The following UBE2E2 variants were observed in gnomAD, a reference collection of about 807,000 sequenced individuals.
UBE2E2 encodes the protein ubiquitin conjugating enzyme E2 E2.
A neutral mutation model predicts 24.7 loss-of-function variants in UBE2E2; 6 were observed. That is an observed-to-expected ratio of 0.24 (90% CI 0.13 to 0.48). UBE2E2 has a LOEUF of 0.48. Among genes scored for constraint, UBE2E2 ranks in the 20% least tolerant of loss-of-function variants. The pLI is 0.99. For missense variants in UBE2E2, 169 were observed against 245.0 expected (o/e 0.69, Z 2.07); for synonymous variants, 104 against 83.6 (o/e 1.24, Z -1.33).
intron 3 of UBE2E2, among the ~76,000 whole-genome samples, chr3:23,425,313 A>G (rs1457578068): frequency 6.6e-6 from 1 of 152,172 alleles, no homozygotes; most frequent in Non-Finnish European, 1.5e-5. Context: ...AGTTGGACAA[A>G]TCATTTAACT....
intron 5 of UBE2E2, among the ~76,000 whole-genome samples, chr3:23,544,429 G>A (rs1695469034): frequency 6.6e-6 from 1 of 152,152 alleles, no homozygotes; most frequent in South Asian, 2.1e-4. Context: ...TATACAAACG[G>A]CCAAGAAACA....
At chr3:23,297,474 A>C (rs1220370456) in intron 3 of UBE2E2, among the ~76,000 whole-genome samples, 2 of 152,054 alleles carry the variant, frequency 1.3e-5, no homozygotes, top group Non-Finnish European at 2.9e-5. Context: ...TCCATCTTGA[A>C]TTAATTTTTG....
intron 3 of UBE2E2, among the ~76,000 whole-genome samples, chr3:23,321,138 A>G (rs1694727101): frequency 6.6e-6 from 1 of 152,226 alleles, no homozygotes; most frequent in Non-Finnish European, 1.5e-5. Context: ...GTGTCTTTAC[A>G]TGGTGTTCGC....
At chr3:23,404,191 C>T (rs530904662) in intron 3 of UBE2E2, among the ~76,000 whole-genome samples, 2 of 152,252 alleles carry the variant, frequency 1.3e-5, no homozygotes, top group Admixed American at 6.5e-5. Flanking sequence ...TATTTATCAA[C>T]TCAGTTGCAA....
chr3:23,565,800 G>T (rs574675633), intron 5 of UBE2E2, among the ~76,000 whole-genome samples: 1 of 152,266 alleles, frequency 6.6e-6, no homozygotes, highest in East Asian at 1.9e-4. Context: ...AAAGGACTTA[G>T]TGTGTTCGCA....
intron 3 of UBE2E2, among the ~76,000 whole-genome samples, chr3:23,414,971 T>TA (rs1697587462): frequency 6.6e-6 from 1 of 152,156 alleles, no homozygotes. Context: ...GAAATGGAGT[T>TA]AGAGTGTTTG....
At chr3:23,441,367 C>T (rs1346756740) in intron 3 of UBE2E2, among the ~76,000 whole-genome samples, 9 of 89,172 alleles carry the variant, frequency 1.0e-4, no homozygotes, top group Non-Finnish European at 2.1e-4. Context: ...TACTAAAAAT[C>T]CAAAAAAAAA....
chr3:23,499,679 A>C lies in UBE2E2; in HGVS notation c.299A>C (p.Glu100Ala), dbSNP rs1699677940. 6.2e-7 allele frequency: 1 copy of C among 1,613,846 alleles called. No homozygotes were observed. Among genetic ancestry groups the C allele is most frequent in the African/African-American group, 1.3e-5 (1 of 74,926 alleles). The change falls in exon 4 of 6, where the codon GAA (glutamate) becomes GCA (alanine). Residue 100 changes from glutamate (E) to alanine (A), a missense_variant. Physicochemically the swap from Glu to Ala is moderately radical, Grantham distance 107 (BLOSUM62 -1). Coordinates refer to ENST00000396703, the MANE Select transcript of UBE2E2 (RefSeq NM_152653.4). ...TTGGGACCCCCAGGATCTGTCTATG[A>C]AGGAGGGGTGTTCTTTCTTGACATT... Reference protein sequence around the residue: ...TILGPPGSVYEGGVFFLDITF... With the variant: ...TILGPPGSVYAGGVFFLDITF...
intron 3 of UBE2E2, among the ~76,000 whole-genome samples, chr3:23,484,311 C>G (rs1007612552): frequency 6.6e-6 from 1 of 152,192 alleles, no homozygotes; most frequent in Admixed American, 6.5e-5. Context: ...TCAGAACCTC[C>G]TGTGGGACTT....
At chr3:23,305,896 C>G (rs185314336) in intron 3 of UBE2E2, among the ~76,000 whole-genome samples, 1 of 152,192 alleles carries the variant, frequency 6.6e-6, no homozygotes, top group Non-Finnish European at 1.5e-5. Context: ...TGCCCAAACC[C>G]TAACAGCTCT....
At chr3:23,359,614 C>G (rs1696059146) in intron 3 of UBE2E2, among the ~76,000 whole-genome samples, 1 of 152,122 alleles carries the variant, frequency 6.6e-6, no homozygotes, top group Non-Finnish European at 1.5e-5. Context: ...TAGAAACCAA[C>G]TTAAGATGCA....
intron 3 of UBE2E2, among the ~76,000 whole-genome samples, chr3:23,297,640 G>A (rs113271486): frequency 2.6e-5 from 4 of 152,128 alleles, no homozygotes; most frequent in Non-Finnish European, 2.9e-5. Context: ...TGTTCCATTG[G>A]TCTATATCTC....
intron 5 of UBE2E2, among the ~76,000 whole-genome samples, chr3:23,561,751 G>A (rs1218672415): frequency 9.2e-5 from 14 of 152,098 alleles, no homozygotes; most frequent in Non-Finnish European, 2.1e-4. Context: ...ATTTCATTGA[G>A]CAGTGGTTTG....
intron 3 of UBE2E2, among the ~76,000 whole-genome samples, chr3:23,445,435 A>G (rs947796558): frequency 6.6e-5 from 10 of 152,160 alleles, no homozygotes; most frequent in African/African-American, 1.9e-4. Context: ...ACCACTGCCA[A>G]TGAATCAGAG....
chr3:23,208,852 T>C lies in UBE2E2; in HGVS notation c.153T>C (p.Ala51=). ...GAAAAATATCCAGCAAAACCGCTGC[T>C]AAATTGTCAACTAGTGCTAAAAGGT... ...KEGKISSKTA[A]KLSTSAKRIQ... is the part of the protein sequence containing the mutation. Residue 51 remains alanine (A), a synonymous_variant, in exon 2 of 6, where the codon GCT becomes GCC. Transcript: ENST00000396703. 4.3e-6 allele frequency: 7 copies of C among 1,613,046 alleles called. No individual in the cohort carries two copies. Among genetic ancestry groups the C allele is most frequent in the Non-Finnish European group, 5.9e-6 (7 of 1,179,500 alleles).
Position 23,499,670 on chromosome 3 carries a change from C to T in UBE2E2, c.290C>T (p.Ser97Phe), listed in dbSNP as rs2125455780. The T allele has an allele frequency of 6.2e-7, 1 of 1,614,008 alleles. No individual in the cohort carries two copies. Among genetic ancestry groups the T allele is most frequent in the Non-Finnish European group, 8.5e-7 (1 of 1,179,932 alleles). The change falls in exon 4 of 6, where the codon TCT becomes TTT. Residue 97 changes from serine to phenylalanine, a missense_variant. Physicochemically the swap from Ser to Phe is radical, Grantham distance 155. Around this residue, in one of 2 missense-constraint regions of UBE2E2, gnomAD observed 105 missense variants for 180.7 expected, o/e 0.58. Coordinates refer to ENST00000396703, the MANE Select transcript of UBE2E2 (RefSeq NM_152653.4). Reference sequence around the variant, plus strand: ...TCAACTATATTGGGACCCCCAGGATCTGTCTATGAAGGAGGGGTGTTCTTT... The same window carrying T: ...TCAACTATATTGGGACCCCCAGGATTTGTCTATGAAGGAGGGGTGTTCTTT... ...WRSTILGPPG[S>F]VYEGGVFFLD...
At chr3:23,498,759 C>T (rs1425011896) in intron 3 of UBE2E2, among the ~76,000 whole-genome samples, 1 of 152,124 alleles carries the variant, frequency 6.6e-6, no homozygotes, top group Non-Finnish European at 1.5e-5. Flanking sequence ...GAGGCTGAGA[C>T]CCAAGAATGG....
At chr3:23,519,850 T>C (rs1353438980) in intron 4 of UBE2E2, among the ~76,000 whole-genome samples, 2 of 151,890 alleles carry the variant, frequency 1.3e-5, no homozygotes, top group Non-Finnish European at 2.9e-5. Context: ...CTAATTTTTT[T>C]TTTTTCATTA....
At position 23,441,137 on chromosome 3, in the gene UBE2E2, G is replaced by A. The variant is rs74934722; in HGVS notation, c.228-58471G>A. Among the ~76,000 whole-genome samples the A allele has an allele frequency of 2.2e-3, 340 of 152,206 alleles. 1 individual carries two copies. The highest frequency in any genetic ancestry group is 3.9e-3 in the Non-Finnish European group (266 of 68,004). On this transcript the variant is annotated intron_variant, in intron 3 of 5. Coordinates refer to ENST00000396703, the MANE Select transcript of UBE2E2 (RefSeq NM_152653.4). The stretch of plus-strand genomic sequence containing the variant: ...TTTGACCTGGTGTTGTGTCACTTGG[G>A]TATTCTGAAGCATCAGATGAAAACT...
Sources: allele counts gnomAD v4.1 joint callset (sites outside exome capture counted in the v4.1 genomes callset), GRCh38; gene constraint gnomAD v4.1.1; regional missense constraint gnomAD v4.1.1; transcripts MANE v1.5; gene names NCBI Gene and HGNC (gene_info 2026-07-23, HGNC 2026-07-21).